Variants in ANKRD54 observed in about 807,000 individuals in gnomAD.
The protein encoded by ANKRD54 is ankyrin repeat domain 54, also known as ankyrin repeat domain-containing protein 54.
A neutral mutation model predicts 36.2 loss-of-function variants in ANKRD54; 26 were observed. The observed-to-expected ratio is 0.72, with a 90% CI of 0.53 to 1.00. The LOEUF (loss-of-function observed/expected upper bound fraction) is 1.00, where lower values mean the gene tolerates loss of function less well. Ranked by LOEUF, ANKRD54 falls within the 50% of genes least tolerant of loss-of-function variation. ANKRD54 has a pLI of 0.00. For missense variants in ANKRD54, 384 were observed against 424.3 expected (o/e 0.91, Z 0.83); for synonymous variants, 209 against 188.4 (o/e 1.11, Z -0.89).
chr22:37,848,241 C>T (rs1004199519), upstream of ANKRD54: 1 of 152,202 alleles, frequency 6.6e-6, no homozygotes, highest in Admixed American at 6.5e-5. Context: ...TGAGGGTTTC[C>T]CCTGGCCTCG....
Position 37,831,749 on chromosome 22 carries a change from G to GCTGGAAACTGTGGCTGGGAGTGGCT in ANKRD54, c.*169_*193dup. 1.7e-6 allele frequency: 1 copy of GCTGGAAACTGTGGCTGGGAGTGGCT among 590,754 alleles called. No homozygotes were observed. The highest frequency in any genetic ancestry group is 2.1e-5 in the South Asian group (1 of 48,208). The allele number at this position is 590,754 out of a possible 1,614,324, so 36.6% of individuals were successfully genotyped here. On this transcript the variant is annotated 3_prime_UTR_variant, in exon 8 of 8. Coordinates refer to ENST00000215941, the MANE Select transcript of ANKRD54 (RefSeq NM_138797.4). ...AGCTGTGGTCCCTGTCCACAGAGAT[G>GCTGGAAACTGTGGCTGGGAGTGGCT]CTGGAAACTGTGGCTGGGAGTGGCT...
chr22:37,832,540 C>T lies in ANKRD54; in HGVS notation c.828+97G>A, dbSNP rs771008742. 160 of 1,178,690 alleles carry T rather than the reference C, an allele frequency of 1.4e-4. No homozygotes were observed. In the African/African-American group the frequency reaches 2.2e-3, roughly 16 times the overall value. The allele number at this position is 1,178,690 out of a possible 1,614,324, so 73.0% of individuals were successfully genotyped here. ...CCTGCGGCTGGCCCCAGCCCACAGC[C>T]TCTTTCTGATACGAGTGTCTGGTGG... On this transcript the variant is annotated intron_variant, in intron 7 of 7. Coordinates refer to ENST00000215941, the MANE Select transcript of ANKRD54 (RefSeq NM_138797.4).
intron 1 of ANKRD54, among the ~76,000 whole-genome samples, chr22:37,842,186 G>A (rs893955275): frequency 1.3e-5 from 2 of 152,230 alleles, no homozygotes; most frequent in Non-Finnish European, 2.9e-5. Context: ...TACTTGGGAG[G>A]CTGAGGCAGT....
intron 3 of ANKRD54, among the ~76,000 whole-genome samples, chr22:37,836,174 C>T (rs1385681018): frequency 8.8e-5 from 13 of 148,182 alleles, no homozygotes; most frequent in African/African-American, 2.5e-4. Context: ...AGGCCAGGTG[C>T]GGTGGCTCAC....
At chr22:37,837,389 C>T (rs530064751) in intron 3 of ANKRD54, among the ~76,000 whole-genome samples, 1 of 152,244 alleles carries the variant, frequency 6.6e-6, no homozygotes, top group African/African-American at 2.4e-5. Flanking sequence ...AAGCTAAAAC[C>T]TGGAAACACC....
At chr22:37,839,063 C>G (rs968401944) in intron 2 of ANKRD54, among the ~76,000 whole-genome samples, 2 of 152,080 alleles carry the variant, frequency 1.3e-5, no homozygotes, top group African/African-American at 4.8e-5. Context: ...TTAGTAGAGA[C>G]GGGGTTTCAC....
Position 37,844,012 on chromosome 22 carries a change from G to T in ANKRD54, c.227C>A (p.Ala76Glu). Reference protein sequence around the residue: ...RYLHVLWQQDAEPRDELRCKI... With the variant: ...RYLHVLWQQDEEPRDELRCKI... ...GCAGCGCAGCTCGTCGCGCGGCTCC[G>T]CATCCTGCTGCCACAGGACGTGCAA... Residue 76 changes from alanine to glutamate, a missense_variant, in exon 1 of 8, where the codon GCG (alanine) becomes GAG (glutamate). Physicochemically the swap from Ala to Glu is moderately radical, Grantham distance 107 (BLOSUM62 -1). Around this residue, in one of 3 missense-constraint regions of ANKRD54, gnomAD observed 195 missense variants for 177.7 expected, o/e 1.10. Coordinates refer to ENST00000215941, the MANE Select transcript of ANKRD54 (RefSeq NM_138797.4). 2 of 1,430,254 alleles carry T rather than the reference G, an allele frequency of 1.4e-6. No homozygotes were observed. The highest frequency in any genetic ancestry group is 1.8e-6 in the Non-Finnish European group (2 of 1,096,816). The allele number at this position is 1,430,254 out of a possible 1,614,324, so 88.6% of individuals were successfully genotyped here.
intron 1 of ANKRD54, among the ~76,000 whole-genome samples, chr22:37,841,667 G>A (rs1449384933): frequency 2.0e-5 from 3 of 151,950 alleles, no homozygotes; most frequent in Non-Finnish European, 4.4e-5. Context: ...GGCCAATAAG[G>A]TGAAATCCCT....
At chr22:37,849,261 G>A (rs1029945045), upstream of ANKRD54, 193 of 677,302 alleles carry the variant, frequency 2.8e-4, no homozygotes, top group Non-Finnish European at 3.9e-4. Context: ...CAAACTGGTG[G>A]GGTTACAGGT....
upstream of ANKRD54, among the ~76,000 whole-genome samples, chr22:37,846,806 G>A (rs2899293): frequency 0.59 from 89,703 of 151,552 alleles, 26,823 homozygotes; most frequent in East Asian, 0.86. Flanking sequence ...GGAGCAACCT[G>A]TATCAAATTC....
intron 1 of ANKRD54, among the ~76,000 whole-genome samples, chr22:37,843,269 A>C (rs1218145805): frequency 1.3e-5 from 2 of 152,042 alleles, no homozygotes; most frequent in Admixed American, 1.3e-4. Context: ...CTAAAATTAC[A>C]ATAATTAGCC....
Position 37,831,937 on chromosome 22 carries a change from C to G in ANKRD54, c.*6G>C. 1.2e-6 allele frequency: 2 copies of G among 1,613,218 alleles called. No individual in the cohort carries two copies. Among genetic ancestry groups the G allele is most frequent in the Non-Finnish European group, 1.7e-6 (2 of 1,179,728 alleles). ...GCAGTGGCAGGAAGGCAGGGAGCCT[C>G]TCTTGCTACCTCTTCTCCATGCTCT... On this transcript the variant is annotated 3_prime_UTR_variant, in exon 8 of 8. Transcript: ENST00000215941.
At chr22:37,836,110 AG>A (rs928049640) in intron 3 of ANKRD54, among the ~76,000 whole-genome samples, 2 of 149,776 alleles carry the variant, frequency 1.3e-5, no homozygotes, top group African/African-American at 4.9e-5. Flanking sequence ...CTGGGATTAC[AG>A]GCGTGAGATA....
At chr22:37,837,126 GTTAAGATTAAAGAGAGAC>G (rs1279284354) in intron 3 of ANKRD54, among the ~76,000 whole-genome samples, 45 of 152,096 alleles carry the variant, frequency 3.0e-4, no homozygotes, top group Non-Finnish European at 6.2e-4. Flanking sequence ...CACCAAAAGG[GTTAAGATTAAAGAGAGAC>G]AACAGCAAGC....
chr22:37,833,138 A>G, intron 5 of ANKRD54, 21 bp downstream of exon 5: 1 of 1,613,866 alleles, frequency 6.2e-7, no homozygotes, highest in Non-Finnish European at 8.5e-7. Context: ...AAGAGGACAG[A>G]GAGGGGAAGA....
Position 37,831,937 on chromosome 22 carries a change from C to T in ANKRD54, c.*6G>A. 1 of 1,613,218 alleles carries T rather than the reference C, an allele frequency of 6.2e-7. No individual in the cohort carries two copies. Among genetic ancestry groups the T allele is most frequent in the Non-Finnish European group, 8.5e-7 (1 of 1,179,728 alleles). On this transcript the variant is annotated 3_prime_UTR_variant, in exon 8 of 8. Transcript: ENST00000215941. ...GCAGTGGCAGGAAGGCAGGGAGCCT[C>T]TCTTGCTACCTCTTCTCCATGCTCT...
In ANKRD54 at chr22:37,832,974, C is replaced by T. The variant is rs150257798; in HGVS notation, c.704G>A (p.Arg235His). 943 of 1,613,888 alleles carry T rather than the reference C, an allele frequency of 5.8e-4. 1 individual carries two copies. Among genetic ancestry groups the T allele is most frequent in the Middle Eastern group, 3.6e-3 (22 of 6,062 alleles). Residue 235 changes from arginine (R) to histidine (H), a missense_variant, in exon 6 of 8, where the codon CGT (arginine) becomes CAT (histidine). Arg to His is a conservative substitution (Grantham distance 29). Coordinates refer to ENST00000215941, the MANE Select transcript of ANKRD54 (RefSeq NM_138797.4). ...GGTACTCACCTGCTTCACCTCCAGACGCACAGCCTCTAGGCACTGGGCATG... is the reference window on the plus strand; with the variant it reads ...GGTACTCACCTGCTTCACCTCCAGATGCACAGCCTCTAGGCACTGGGCATG... Reference protein sequence around the residue: ...EGHAQCLEAVRLEVKQIIHML... With the variant: ...EGHAQCLEAVHLEVKQIIHML...
chr22:37,833,210 AG>A lies in ANKRD54; in HGVS notation c.548-5del. 1 of 1,613,490 alleles carries A rather than the reference AG, an allele frequency of 6.2e-7. No individual in the cohort carries two copies. The highest frequency in any genetic ancestry group is 8.5e-7 in the Non-Finnish European group (1 of 1,179,950). ...GGAACGTGGTTGGTGCAGGCCGCTG[AG>A]GAAGAACAACAGAGACTTAAGAATC... On this transcript the variant is annotated splice_region_variant and splice_polypyrimidine_tract_variant and intron_variant, in intron 4 of 7. Transcript: ENST00000215941.
chr22:37,836,446 TCA>T (rs1923551493), intron 3 of ANKRD54, among the ~76,000 whole-genome samples: 2 of 32,808 alleles, frequency 6.1e-5, no homozygotes, highest in Admixed American at 8.1e-4. Flanking sequence ...AAACTCTGTC[TCA>T]AAAAAAAAAA....
Sources: allele counts gnomAD v4.1 joint callset (sites outside exome capture counted in the v4.1 genomes callset), GRCh38; gene constraint gnomAD v4.1.1; regional missense constraint gnomAD v4.1.1; transcripts MANE v1.5; gene names NCBI Gene and HGNC (gene_info 2026-07-23, HGNC 2026-07-21).